MCM4: variants seen among roughly 807,000 people sequenced by gnomAD.
MCM4 encodes minichromosome maintenance complex component 4.
A neutral mutation model predicts 88.7 loss-of-function variants in MCM4; 60 were observed. That is an observed-to-expected ratio of 0.68 (90% CI 0.55 to 0.84). The LOEUF (loss-of-function observed/expected upper bound fraction) is 0.84, where lower values mean the gene tolerates loss of function less well. Ranked by LOEUF, MCM4 falls within the 40% of genes least tolerant of loss-of-function variation. MCM4 has a pLI of 0.00. For synonymous variants in MCM4, 465 were observed against 410.5 expected (o/e 1.13, Z -1.61); for missense variants, 1,149 against 1,105.5 (o/e 1.04, Z -0.56).
intron 3 of MCM4, 116 bp from the exon 4 acceptor site, chr8:47,961,937 C>A: frequency 9.7e-7 from 1 of 1,034,922 alleles, no homozygotes; most frequent in Non-Finnish European, 1.4e-6. Context: ...TCAGCCACCG[C>A]AGGTTGCAAT....
chr8:47,972,950 G>A lies in MCM4; in HGVS notation c.2022G>A (p.Glu674=). 6.2e-7 allele frequency: 1 copy of A among 1,614,246 alleles called. No individual in the cohort carries two copies. The highest frequency in any genetic ancestry group is 1.3e-5 in the African/African-American group (1 of 75,070). The part of the protein sequence containing the change: ...HHLVALYYQS[E]EQAEEELLDM... ...TGGTCGCACTGTACTACCAGAGCGA[G>A]GAGCAGGCAGAGGAGGAGCTCCTGG... Residue 674 remains glutamate, a synonymous_variant, in exon 14 of 17, where the codon GAG becomes GAA. Coordinates refer to ENST00000649973, the MANE Select transcript of MCM4 (RefSeq NM_182746.3).
chr8:47,975,193 T>TA, intron 15 of MCM4: 1 of 434,192 alleles, frequency 2.3e-6, no homozygotes, highest in East Asian at 4.0e-5. Flanking sequence ...TTTTTTTTTT[T>TA]TATACTTTAA....
At chr8:47,975,587 C>T in intron 15 of MCM4, 128 bp from the exon 16 acceptor site, 1 of 592,430 alleles carries the variant, frequency 1.7e-6, no homozygotes, top group East Asian at 3.4e-5. Flanking sequence ...AACTCATTCC[C>T]TTCAAATGTA....
In MCM4 at chr8:47,962,343, A is replaced by G; in HGVS notation, c.438A>G (p.Leu146=). ...AEDIVASEQS[L]GQKLVIWGTD... ...ATATAGTGGCAAGTGAGCAGTCTCT[A>G]GGCCAAAAACTTGTGATCTGGGGAA... Residue 146 remains leucine (L), a synonymous_variant, in exon 5 of 17, where the codon CTA becomes CTG. Coordinates refer to ENST00000649973, the MANE Select transcript of MCM4 (RefSeq NM_182746.3). 1 of 1,614,228 alleles carries G rather than the reference A, an allele frequency of 6.2e-7. No homozygotes were observed. Among genetic ancestry groups the G allele is most frequent in the Non-Finnish European group, 8.5e-7 (1 of 1,180,036 alleles).
At chr8:47,972,605 G>A (rs1589833328) in intron 13 of MCM4, among the ~76,000 whole-genome samples, 1 of 152,124 alleles carries the variant, frequency 6.6e-6, no homozygotes, top group South Asian at 2.1e-4. Context: ...CGGCCAGGCT[G>A]GAGTGCAGTG....
intron 2 of MCM4, 60 bp from the exon 3 acceptor site, chr8:47,961,454 CAA>C: frequency 6.2e-7 from 1 of 1,611,604 alleles, no homozygotes; most frequent in Non-Finnish European, 8.5e-7. Flanking sequence ...AAGGAAAAGA[CAA>C]ATCCAGGAAG....
chr8:47,974,351 A>G (rs1414859515), intron 14 of MCM4: 1 of 191,104 alleles, frequency 5.2e-6, no homozygotes, highest in Non-Finnish European at 1.1e-5. Flanking sequence ...CCATGTGAGC[A>G]CTTTTCCCAG....
intron 7 of MCM4, 97 bp downstream of exon 7, chr8:47,963,137 C>A: frequency 2.8e-6 from 2 of 719,952 alleles, no homozygotes; most frequent in Admixed American, 2.9e-5. Flanking sequence ...ATAGTATGCG[C>A]AAACACTTTA....
chr8:47,964,819 C>T, intron 8 of MCM4, 107 bp downstream of exon 8: 1 of 887,516 alleles, frequency 1.1e-6, no homozygotes, highest in Non-Finnish European at 1.7e-6. Flanking sequence ...CGGTGGTAGT[C>T]AAGGTGACGG....
At position 47,971,368 on chromosome 8, in the gene MCM4, C is replaced by T. The variant is rs377289087; in HGVS notation, c.1828C>T (p.Arg610Cys). 23 of 1,613,970 alleles carry T rather than the reference C, an allele frequency of 1.4e-5. No individual in the cohort carries two copies. The African/African-American group carries it at 1.6e-4, about 11-fold the overall frequency. Residue 610 changes from arginine to cysteine, a missense_variant, in exon 13 of 17, where the codon CGC (arginine) becomes TGC (cysteine). Physicochemically the swap from Arg to Cys is radical, Grantham distance 180. Transcript: ENST00000649973. ...TGGGATCATCTGTCAGCTCAATGCGCGCACCTCTGTCCTGGCAGCAGCAAA... is the reference window on the plus strand; with the variant it reads ...TGGGATCATCTGTCAGCTCAATGCGTGCACCTCTGTCCTGGCAGCAGCAAA... ...KAGIICQLNARTSVLAAANPI... is the reference protein window; with the variant it reads ...KAGIICQLNACTSVLAAANPI...
chr8:47,961,082 C>A, intron 1 of MCM4, 49 bp from the exon 2 acceptor site: 2 of 1,485,038 alleles, frequency 1.3e-6, no homozygotes, highest in Admixed American at 2.1e-5. Context: ...CGGAGCAGGG[C>A]AGGGAAGCCG....
intron 11 of MCM4, 93 bp from the exon 12 acceptor site, chr8:47,970,418 C>A: frequency 6.9e-7 from 1 of 1,449,128 alleles, no homozygotes; most frequent in South Asian, 1.4e-5. Flanking sequence ...AATTGTAGTT[C>A]TTTATAAGAG....
Position 47,962,484 on chromosome 8 carries a change from A to C in MCM4, c.501+78A>C. On this transcript the variant is annotated intron_variant, in intron 5 of 16. Transcript: ENST00000649973. ...CCGTGTTTATAATCTATATCTAAGT[A>C]GCCATAATGACTAGAAGGGCCACCT... The C allele has an allele frequency of 3.5e-6, 5 of 1,447,670 alleles. No individual in the cohort carries two copies. In the South Asian group the frequency reaches 5.9e-5, roughly 17 times the overall value. 89.7% of individuals were successfully genotyped at this position (1,447,670 alleles called of 1,614,324 possible). A position where few individuals can be genotyped will look rare whatever the true frequency, so the allele number is the denominator to read the frequency against.
chr8:47,966,305 G>A lies in MCM4; in HGVS notation c.951G>A (p.Met317Ile). The A allele has an allele frequency of 1.2e-6, 2 of 1,614,050 alleles. No homozygotes were observed. The highest frequency in any genetic ancestry group is 2.2e-5 in the South Asian group (2 of 91,086). ...QVCAHTTRVE[M>I]DRGRIAEPSV... ...GTGCCCACACGACCCGGGTGGAGAT[G>A]GACCGCGGCCGCATTGCAGAGCCCA... Residue 317 changes from methionine to isoleucine, a missense_variant, in exon 9 of 17, where the codon ATG becomes ATA. Met to Ile is a conservative substitution (Grantham distance 10). Coordinates refer to ENST00000649973, the MANE Select transcript of MCM4 (RefSeq NM_182746.3).
At chr8:47,969,509 C>T (rs2090931391) in intron 10 of MCM4, 1 of 374,562 alleles carries the variant, frequency 2.7e-6, no homozygotes, top group East Asian at 4.8e-5. Context: ...CCGCCTGCCT[C>T]AGCCTCCCAA....
intron 8 of MCM4, among the ~76,000 whole-genome samples, chr8:47,965,130 G>A (rs938963505): frequency 6.6e-5 from 10 of 152,008 alleles, no homozygotes; most frequent in South Asian, 2.1e-4. Flanking sequence ...CAGGAGAAAC[G>A]CTTGAACCCG....
At position 47,967,428 on chromosome 8, in the gene MCM4, T is replaced by C; in HGVS notation, c.1117T>C (p.Phe373Leu). Residue 373 changes from phenylalanine (F) to leucine (L), a missense_variant, in exon 10 of 17, where the codon TTT (phenylalanine) becomes CTT (leucine). Phe to Leu is a conservative substitution (Grantham distance 22). Coordinates refer to ENST00000649973, the MANE Select transcript of MCM4 (RefSeq NM_182746.3). ...GCAGACACCACACACAGTTATCCTG[T>C]TTGCTCACAATGATCTCGTTGACAA... ...AGQTPHTVIL[F>L]AHNDLVDKVQ... 1 of 1,614,182 alleles carries C rather than the reference T, an allele frequency of 6.2e-7. No individual in the cohort carries two copies. Among genetic ancestry groups the C allele is most frequent in the Non-Finnish European group, 8.5e-7 (1 of 1,180,028 alleles).
In MCM4 at chr8:47,961,026, C is replaced by T. The variant is rs2090816776; in HGVS notation, c.-15+12C>T. 4 of 1,125,734 alleles carry T rather than the reference C, an allele frequency of 3.6e-6. No homozygotes were observed. The highest frequency in any genetic ancestry group is 2.4e-6 in the Non-Finnish European group (2 of 842,402). The allele number at this position is 1,125,734 out of a possible 1,614,324, so 69.7% of individuals were successfully genotyped here. ...GCCGCCTTTCCACGGTAACCGCGCG[C>T]CGGCGGGGAGGGCGTGGCGCGGAGC... On this transcript the variant is annotated intron_variant, in intron 1 of 16. Coordinates refer to ENST00000649973, the MANE Select transcript of MCM4 (RefSeq NM_182746.3).
Position 47,976,697 on chromosome 8 carries a change from A to T in MCM4, c.2511A>T (p.Lys837Asn). The T allele has an allele frequency of 6.2e-7, 1 of 1,612,552 alleles. No homozygotes were observed. Among genetic ancestry groups the T allele is most frequent in the Non-Finnish European group, 8.5e-7 (1 of 1,178,750 alleles). Residue 837 changes from lysine (K) to asparagine (N), a missense_variant, in exon 17 of 17, where the codon AAA becomes AAT. Lys to Asn is a moderately conservative substitution (Grantham distance 94, BLOSUM62 0). This residue lies in a region of MCM4 where 238 missense variants were observed against 241.6 expected (regional missense o/e 0.99). Transcript: ENST00000649973. ...TCTCTTCCCCACAGGCAATTACTAA[A>T]GATATGTTTGAAGAAGCACTGCGTG... is the stretch of plus-strand genomic sequence containing the variant. ...IRGQSDIAITKDMFEEALRAL... is the reference protein window; with the variant it reads ...IRGQSDIAITNDMFEEALRAL...
Sources: gnomAD v4.1 joint callset for allele counts (sites outside exome capture counted in the v4.1 genomes callset) on GRCh38, gnomAD v4.1.1 for gene constraint, gnomAD v4.1.1 regional missense constraint, MANE v1.5 for transcripts, NCBI Gene and HGNC (gene_info 2026-07-23, HGNC 2026-07-21) for gene names.